The following ZER1 variants were observed in gnomAD, a reference collection of about 807,000 sequenced individuals.
The protein encoded by ZER1 is zyg-11 related cell cycle regulator, also known as protein zer-1 homolog.
ZER1 carries 11 observed loss-of-function variants against 78.8 expected under a neutral mutation model. That is an observed-to-expected ratio of 0.14 (90% CI 0.09 to 0.23). The LOEUF is 0.23. ZER1 is among the 10% of genes least tolerant of loss of function. The pLI is 1.00. For synonymous variants in ZER1, 400 were observed against 407.0 expected, an observed-to-expected ratio of 0.98 and a Z score of 0.21; for missense variants, 588 against 996.9, an observed-to-expected ratio of 0.59 and a Z score of 5.52.
rs956877506 is a variant in ZER1 at position 128,754,186 on chromosome 9, G to A, written c.159-227C>T. On this transcript the variant is annotated intron_variant, in intron 2 of 15. Coordinates refer to ENST00000291900, the MANE Select transcript of ZER1 (RefSeq NM_006336.4). This position sits in a 1 kb window ranked among gnomAD's most constrained non-coding sequence, Gnocchi z 4.3. ...CTGGGAGACCTTCTAGGTGATGCAG[G>A]CGCCATCTCTCCCAGTGCACATGCC... Among the ~76,000 whole-genome samples the A allele has an allele frequency of 1.3e-5, 2 of 152,152 alleles. No individual in the cohort carries two copies. Among genetic ancestry groups the A allele is most frequent in the Admixed American group, 1.3e-4 (2 of 15,264 alleles).
chr9:128,759,273 C>A (rs906931274), intron 1 of ZER1, among the ~76,000 whole-genome samples: 1 of 151,452 alleles, frequency 6.6e-6, no homozygotes, highest in Non-Finnish European at 1.5e-5. Flanking sequence ...CAGGTTCAAG[C>A]GGTTCTCCTG....
rs1464571771 is a variant in ZER1 at position 128,740,504 on chromosome 9, C to T, written c.1853+268G>A. On this transcript the variant is annotated intron_variant, in intron 12 of 15. Coordinates refer to ENST00000291900, the MANE Select transcript of ZER1 (RefSeq NM_006336.4). This position sits in a 1 kb window ranked among gnomAD's most constrained non-coding sequence, Gnocchi z 4.4. Reference sequence around the variant, plus strand: ...CTGAGGCAGGAGAATGGCGTGAACCCGGGAGGCAGAGCTTGCAGTGAGCCT... The same window carrying T: ...CTGAGGCAGGAGAATGGCGTGAACCTGGGAGGCAGAGCTTGCAGTGAGCCT... Among the ~76,000 whole-genome samples the T allele has an allele frequency of 2.0e-5, 3 of 151,096 alleles. No individual in the cohort carries two copies. The highest frequency in any genetic ancestry group is 2.9e-5 in the Non-Finnish European group (2 of 67,894).
At position 128,735,760 on chromosome 9, in the gene ZER1, G is replaced by GTTTTTTTTTTTTTTTTTTTTTTTTTTTT. The variant is rs779646793; in HGVS notation, c.2043-330_2043-329insAAAAAAAAAAAAAAAAAAAAAAAAAAAA. Among the ~76,000 whole-genome samples the GTTTTTTTTTTTTTTTTTTTTTTTTTTTT allele has an allele frequency of 1.2e-4, 2 of 16,176 alleles. 1 individual carries two copies. Among genetic ancestry groups the GTTTTTTTTTTTTTTTTTTTTTTTTTTTT allele is most frequent in the Non-Finnish European group, 2.8e-4 (2 of 7,070 alleles). The allele number at this position is 16,176 out of a possible 152,430, so 10.6% of individuals were successfully genotyped here. A position where few individuals can be genotyped will look rare whatever the true frequency, so the allele number is the denominator to read the frequency against. On this transcript the variant is annotated intron_variant, in intron 13 of 15. Coordinates refer to ENST00000291900, the MANE Select transcript of ZER1 (RefSeq NM_006336.4). Reference sequence around the variant, plus strand: ...CTGGGAACAGAAGCACGTGTGACCTGGTTTTTTTTTTTTTTTTTTTTTTTT... The same window carrying GTTTTTTTTTTTTTTTTTTTTTTTTTTTT: ...CTGGGAACAGAAGCACGTGTGACCTGTTTTTTTTTTTTTTTTTTTTTTTTTTTTGTTTTTTTTTTTTTTTTTTTTTTTT...
intron 1 of ZER1, among the ~76,000 whole-genome samples, chr9:128,764,586 G>A (rs1864148518): frequency 1.3e-5 from 2 of 152,164 alleles, no homozygotes; most frequent in Admixed American, 1.3e-4. Context: ...TTGCCACTCA[G>A]GGCTGGAATG....
At chr9:128,743,430 TA>T (rs1005915875) in intron 8 of ZER1, among the ~76,000 whole-genome samples, 1 of 152,066 alleles carries the variant, frequency 6.6e-6, no homozygotes, top group African/African-American at 2.4e-5. Context: ...TTTATTTATT[TA>T]TTTTTTTTGA....
intron 1 of ZER1, among the ~76,000 whole-genome samples, chr9:128,761,075 G>A (rs1384049891): frequency 7.0e-6 from 1 of 143,524 alleles, no homozygotes; most frequent in African/African-American, 2.6e-5. Flanking sequence ...GAAGAATGGT[G>A]TGAACCCGGG....
intron 14 of ZER1, among the ~76,000 whole-genome samples, chr9:128,734,908 C>T (rs1863010451): frequency 6.6e-6 from 1 of 150,504 alleles, no homozygotes; most frequent in African/African-American, 2.5e-5. Context: ...AGATGGGGGT[C>T]TCACTATGTT....
intron 8 of ZER1, among the ~76,000 whole-genome samples, chr9:128,745,203 T>G (rs1185931921): frequency 1.3e-5 from 2 of 149,358 alleles, no homozygotes; most frequent in Non-Finnish European, 3.0e-5. Flanking sequence ...GTTTGGGTTT[T>G]TTTTTTTTTT....
chr9:128,753,660 C>A lies in ZER1; in HGVS notation c.310-60G>T. 2 of 1,585,244 alleles carry A rather than the reference C, an allele frequency of 1.3e-6. No individual in the cohort carries two copies. Among genetic ancestry groups the A allele is most frequent in the Non-Finnish European group, 1.7e-6 (2 of 1,165,364 alleles). On this transcript the variant is annotated intron_variant, in intron 3 of 15. Transcript: ENST00000291900. The surrounding 1 kb of genome is among the most constrained non-coding windows in gnomAD (Gnocchi z 7.5). ...CCTTGCCCCTTCCCCCGGCCCCAGG[C>A]CTTGCCCTGGGCTACAGGTGGGTTG...
intron 14 of ZER1, among the ~76,000 whole-genome samples, chr9:128,734,522 CAG>C (rs1862993297): frequency 6.6e-6 from 1 of 150,670 alleles, no homozygotes; most frequent in African/African-American, 2.4e-5. Flanking sequence ...TAAGTAGAGA[CAG>C]GGTTGCGCTG....
At chr9:128,745,180 TG>T (rs1457407427) in intron 8 of ZER1, among the ~76,000 whole-genome samples, 2 of 151,730 alleles carry the variant, frequency 1.3e-5, no homozygotes, top group East Asian at 3.9e-4. Flanking sequence ...CAGGTTTATT[TG>T]CTTATTGATT....
Position 128,753,988 on chromosome 9 carries a change from G to A in ZER1, c.159-29C>T. Reference sequence around the variant, plus strand: ...GGAGAGAAAAAAGCCTGGCTCAGGAGAGGGCCACAGGGACTCTCATCCTCG... The same window carrying A: ...GGAGAGAAAAAAGCCTGGCTCAGGAAAGGGCCACAGGGACTCTCATCCTCG... On this transcript the variant is annotated intron_variant, in intron 2 of 15. Transcript: ENST00000291900. The surrounding 1 kb of genome is among the most constrained non-coding windows in gnomAD (Gnocchi z 7.5). 1 of 1,566,932 alleles carries A rather than the reference G, an allele frequency of 6.4e-7. No individual in the cohort carries two copies.
chr9:128,769,748 T>C (rs1864325918), intron 1 of ZER1, among the ~76,000 whole-genome samples: 2 of 152,070 alleles, frequency 1.3e-5, no homozygotes, highest in African/African-American at 4.8e-5. Context: ...TGGAAAAAGG[T>C]CCCGTGCCCA....
chr9:128,734,175 AAAATAT>A (rs1376739669), intron 14 of ZER1, among the ~76,000 whole-genome samples: 2 of 73,652 alleles, frequency 2.7e-5, no homozygotes, highest in Middle Eastern at 7.1e-3. Flanking sequence ...AATCTTAAAA[AAAATAT>A]ATATATATAT....
chr9:128,758,294 A>AT (rs1158016754), intron 1 of ZER1, among the ~76,000 whole-genome samples: 1 of 150,966 alleles, frequency 6.6e-6, no homozygotes, highest in East Asian at 1.9e-4. Context: ...TAATTTTTGT[A>AT]TTTTTTTCTT....
chr9:128,742,788 A>G, intron 8 of ZER1, 43 bp from the exon 9 acceptor site: 1 of 1,551,412 alleles, frequency 6.4e-7, no homozygotes, highest in Non-Finnish European at 8.7e-7. Context: ...TCAGGGTCAG[A>G]CTCAGGAGCA....
chr9:128,766,476 C>A (rs1446430516), intron 1 of ZER1, among the ~76,000 whole-genome samples: 1 of 152,116 alleles, frequency 6.6e-6, no homozygotes, highest in East Asian at 1.9e-4. Context: ...AAGGAAGGGG[C>A]TATGGCTATG....
chr9:128,750,910 G>A, intron 7 of ZER1, 121 bp from the exon 8 acceptor site: 1 of 1,468,286 alleles, frequency 6.8e-7, no homozygotes, highest in Non-Finnish European at 9.2e-7. Context: ...AAAGGCAGAA[G>A]TGGGGCCTGG....
At chr9:128,758,533 C>T (rs1406371032) in intron 1 of ZER1, among the ~76,000 whole-genome samples, 1 of 152,094 alleles carries the variant, frequency 6.6e-6, no homozygotes, top group Non-Finnish European at 1.5e-5. Context: ...ATCCTCCCAC[C>T]TTAGCCTCCT....
Sources: gnomAD v4.1 joint callset for allele counts (sites outside exome capture counted in the v4.1 genomes callset) on GRCh38, gnomAD v4.1.1 for gene constraint, Gnocchi (gnomAD v3.1) non-coding constraint, MANE v1.5 for transcripts, NCBI Gene and HGNC (gene_info 2026-07-23, HGNC 2026-07-21) for gene names.